TTC21A: variants seen among roughly 807,000 people sequenced by gnomAD.
TTC21A encodes tetratricopeptide repeat domain 21A.
Under a neutral mutation model 156.4 loss-of-function variants are expected in TTC21A, and 128 were observed. The ratio of observed to expected loss-of-function variants is 0.82; its 90% confidence interval spans 0.71 to 0.95. The LOEUF (loss-of-function observed/expected upper bound fraction) is 0.95. TTC21A is among the 40% of genes least tolerant of loss of function. The pLI is 0.00. For synonymous variants in TTC21A, 587 were observed against 617.1 expected (o/e 0.95, Z 0.72); for missense variants, 1,435 against 1,602.3 (o/e 0.90, Z 1.78).
At chr3:39,128,210 A>G in intron 12 of TTC21A, 121 bp from the exon 13 acceptor site, 1 of 1,188,864 alleles carries the variant, frequency 8.4e-7, no homozygotes, top group Non-Finnish European at 1.2e-6. Flanking sequence ...AAAACTGGCT[A>G]AAATACTCAA....
chr3:39,134,176 T>G lies in TTC21A; in HGVS notation c.2752-42T>G. 6 of 1,291,562 alleles carry G rather than the reference T, an allele frequency of 4.6e-6. No individual in the cohort carries two copies. The highest frequency in any genetic ancestry group is 6.8e-6 in the Non-Finnish European group (6 of 887,272). 80.0% of individuals were successfully genotyped at this position (1,291,562 alleles called of 1,614,324 possible). A position where few individuals can be genotyped will look rare whatever the true frequency, so the allele number is the denominator to read the frequency against. ...CAAGGATAACCCCAGGGGTTTCCCATGGTGTTTACTAGTTAGTTTATTATA... is the reference window on the plus strand; with the variant it reads ...CAAGGATAACCCCAGGGGTTTCCCAGGGTGTTTACTAGTTAGTTTATTATA... On this transcript the variant is annotated intron_variant, in intron 20 of 28. Coordinates refer to ENST00000683103, the MANE Select transcript of TTC21A (RefSeq NM_001366900.1). The surrounding 1 kb of genome is among the most constrained non-coding windows in gnomAD (Gnocchi z 4.6).
Position 39,137,403 on chromosome 3 carries a change from A to T in TTC21A, c.3450+16A>T, listed in dbSNP as rs530018819. 3.1e-6 allele frequency: 5 copies of T among 1,608,962 alleles called. No individual in the cohort carries two copies. Among genetic ancestry groups the T allele is most frequent in the Non-Finnish European group, 4.2e-6 (5 of 1,177,356 alleles). ...GCAGGCTGAGGTGTGGCTGGTGGGG[A>T]CTGGCGGGCATGGGCAGGTGGCAGG... On this transcript the variant is annotated intron_variant, in intron 25 of 28. Coordinates refer to ENST00000683103, the MANE Select transcript of TTC21A (RefSeq NM_001366900.1).
At chr3:39,136,027 C>T (rs777480386) in intron 22 of TTC21A, among the ~76,000 whole-genome samples, 63 of 150,022 alleles carry the variant, frequency 4.2e-4, no homozygotes, top group Non-Finnish European at 8.1e-4. Context: ...CACTGCACTC[C>T]AGCCTGGGTG....
Position 39,137,484 on chromosome 3 carries a change from A to C in TTC21A, c.3451-2A>C. On this transcript the variant is annotated splice_acceptor_variant, in intron 25 of 28. Coordinates refer to ENST00000683103, the MANE Select transcript of TTC21A (RefSeq NM_001366900.1). LOFTEE classifies it high-confidence loss of function. ...GACGTCCACTTCCTACCTGGTGTGT[A>C]GAAGGACAGCGTCCCTGCCCTGCTG... 1 of 1,614,136 alleles carries C rather than the reference A, an allele frequency of 6.2e-7. No individual in the cohort carries two copies. Among genetic ancestry groups the C allele is most frequent in the South Asian group, 1.1e-5 (1 of 91,068 alleles).
intron 22 of TTC21A, 67 bp from the exon 23 acceptor site, chr3:39,136,290 C>A: frequency 6.5e-7 from 1 of 1,547,662 alleles, no homozygotes; most frequent in Non-Finnish European, 8.7e-7. Context: ...CTCCTAGGGC[C>A]CCAGCACCCT....
Position 39,114,742 on chromosome 3 carries a change from G to A in TTC21A, c.716G>A (p.Arg239Lys). Reference protein sequence around the residue: ...DWEQTVEMGHRILEKDESNID... With the variant: ...DWEQTVEMGHKILEKDESNID... The stretch of plus-strand genomic sequence containing the variant: ...GAGCAGACAGTAGAAATGGGACACA[G>A]GTGAGCTACTGCACAAATGGGCAGC... Residue 239 changes from arginine to lysine, a missense_variant and splice_region_variant, in exon 6 of 29, where the codon AGA becomes AAA. Coordinates refer to ENST00000683103, the MANE Select transcript of TTC21A (RefSeq NM_001366900.1). The A allele has an allele frequency of 6.2e-7, 1 of 1,614,182 alleles. No individual in the cohort carries two copies. Among genetic ancestry groups the A allele is most frequent in the Non-Finnish European group, 8.5e-7 (1 of 1,180,028 alleles).
At chr3:39,110,745 CT>C (rs2036746988) in intron 3 of TTC21A, 105 bp from the exon 4 acceptor site, 2 of 1,221,504 alleles carry the variant, frequency 1.6e-6, no homozygotes, top group South Asian at 1.3e-5. Flanking sequence ...TCCACAGTGT[CT>C]GGGGGAGACC....
At chr3:39,117,148 T>C (rs139044476) in intron 6 of TTC21A, among the ~76,000 whole-genome samples, 47 of 152,392 alleles carry the variant, frequency 3.1e-4, no homozygotes, top group Non-Finnish European at 1.0e-4. Context: ...TTTTTCCATA[T>C]CATTTGGCTC....
In TTC21A at chr3:39,107,718, T is replaced by G. The variant is rs1575477849; in HGVS notation, c.-120T>G. 6.8e-7 allele frequency: 1 copy of G among 1,464,742 alleles called. No homozygotes were observed. The allele number at this position is 1,464,742 out of a possible 1,614,324, so 90.7% of individuals were successfully genotyped here. ...TCCTAGCAACCGGCTAGCAGCTCGG[T>G]TTCCAAGGACTGTAACGCCTTCAAC... On this transcript the variant is annotated 5_prime_UTR_variant, in exon 1 of 29. Coordinates refer to ENST00000683103, the MANE Select transcript of TTC21A (RefSeq NM_001366900.1).
At position 39,120,989 on chromosome 3, in the gene TTC21A, T is replaced by C. The variant is rs754980366; in HGVS notation, c.901-8T>C. The C allele has an allele frequency of 1.3e-6, 2 of 1,591,534 alleles. No homozygotes were observed. The highest frequency in any genetic ancestry group is 2.2e-5 in the East Asian group (1 of 44,450). On this transcript the variant is annotated splice_region_variant and splice_polypyrimidine_tract_variant and intron_variant, in intron 8 of 28. Transcript: ENST00000683103. ...GTTTCCCAATTCCCACCTTCCTGTT[T>C]CTTGCAGTGTGGGAGTCACCAGGTG...
intron 21 of TTC21A, 41 bp from the exon 22 acceptor site, chr3:39,135,052 C>T (rs1446607806): frequency 5.1e-6 from 8 of 1,579,228 alleles, no homozygotes; most frequent in South Asian, 3.3e-5. Context: ...ATGCAAGCTG[C>T]CACTGTTGGG....
At chr3:39,128,292 T>C (rs748248021) in intron 12 of TTC21A, 39 bp from the exon 13 acceptor site, 2 of 1,606,144 alleles carry the variant, frequency 1.2e-6, no homozygotes, top group Admixed American at 3.4e-5. Context: ...TAGGAGCCCT[T>C]GGGAACCCTG....
chr3:39,108,984 A>AGGAGCAGGGGATAGGGAAG (rs2036537358), intron 1 of TTC21A, 101 bp from the exon 2 acceptor site: 2 of 1,328,692 alleles, frequency 1.5e-6, no homozygotes, highest in East Asian at 4.8e-5. Context: ...AGAACTGAGG[A>AGGAGCAGGGGATAGGGAAG]GGAGCAGGGG....
intron 6 of TTC21A, among the ~76,000 whole-genome samples, chr3:39,115,309 G>A (rs1483743149): frequency 1.3e-5 from 2 of 151,322 alleles, no homozygotes; most frequent in African/African-American, 4.9e-5. Context: ...AATGACAGCC[G>A]CTTTGGGGAG....
chr3:39,110,995 A>G lies in TTC21A; in HGVS notation c.413A>G (p.Lys138Arg). The G allele has an allele frequency of 6.2e-7, 1 of 1,611,638 alleles. No homozygotes were observed. The highest frequency in any genetic ancestry group is 1.1e-5 in the South Asian group (1 of 90,974). The change falls in exon 4 of 29, where the codon AAG becomes AGG. Residue 138 changes from lysine (K) to arginine (R), a missense_variant. Transcript: ENST00000683103. ...AAAGAGTACATTGACCGCATGCTGA[A>G]GATTTCTAGAGGCTTCAGAGAGGTA... ...KAKEYIDRMLKISRGFREAYV... is the reference protein window; with the variant it reads ...KAKEYIDRMLRISRGFREAYV...
chr3:39,135,872 G>A lies in TTC21A; in HGVS notation c.2945-485G>A, dbSNP rs142676386. On this transcript the variant is annotated intron_variant, in intron 22 of 28. Coordinates refer to ENST00000683103, the MANE Select transcript of TTC21A (RefSeq NM_001366900.1). ...GGATCGAAACCATCCTGGCTACACG[G>A]TGAAACCCTGTCTCTACTAAAAATA... Among the ~76,000 whole-genome samples the A allele has an allele frequency of 5.3e-3, 810 of 152,114 alleles. 7 individuals carry two copies. Among genetic ancestry groups the A allele is most frequent in the African/African-American group, 0.019 (777 of 41,498 alleles).
chr3:39,110,237 T>A (rs1203254702), intron 3 of TTC21A, 98 bp downstream of exon 3: 5 of 871,232 alleles, frequency 5.7e-6, no homozygotes, highest in Non-Finnish European at 9.4e-6. Context: ...AAAGGAGGTA[T>A]GTGCCCTGGT....
intron 6 of TTC21A, among the ~76,000 whole-genome samples, chr3:39,117,642 C>T (rs1443854766): frequency 2.0e-5 from 3 of 152,196 alleles, no homozygotes; most frequent in East Asian, 1.9e-4. Flanking sequence ...GGTTATTCCT[C>T]CTCCAGGCAA....
At chr3:39,125,279 C>G in intron 10 of TTC21A, 53 bp from the exon 11 acceptor site, 1 of 1,592,394 alleles carries the variant, frequency 6.3e-7, no homozygotes, top group Non-Finnish European at 8.6e-7. Flanking sequence ...CCCTTGCCTA[C>G]CAAATCTGCC....
Sources: gnomAD v4.1 joint callset for allele counts (sites outside exome capture counted in the v4.1 genomes callset) on GRCh38, gnomAD v4.1.1 for gene constraint, Gnocchi (gnomAD v3.1) non-coding constraint, MANE v1.5 for transcripts, NCBI Gene and HGNC (gene_info 2026-07-23, HGNC 2026-07-21) for gene names.